SAMD11: variants seen among roughly 807,000 people sequenced by gnomAD.
SAMD11 encodes the protein sterile alpha motif domain containing 11.
SAMD11 carries 77 observed loss-of-function variants against 64.4 expected under a neutral mutation model. That is an observed-to-expected ratio of 1.20 (90% CI 0.99 to 1.44). The LOEUF (loss-of-function observed/expected upper bound fraction) is 1.44, where lower values mean the gene tolerates loss of function less well. SAMD11 is among the 40% of genes most tolerant of loss of function. SAMD11 has a pLI of 0.00. For missense variants in SAMD11, 1,402 were observed against 943.3 expected, an observed-to-expected ratio of 1.49 and a Z score of -6.37; for synonymous variants, 658 against 421.9, an observed-to-expected ratio of 1.56 and a Z score of -6.86.
At position 944,066 on chromosome 1, in the gene SAMD11, C is replaced by G. The variant is rs764469832; in HGVS notation, c.2448C>G (p.Ala816=). Residue 816 remains alanine, a synonymous_variant, in exon 14 of 14, where the codon GCC becomes GCG. Coordinates refer to ENST00000616016, the MANE Select transcript of SAMD11 (RefSeq NM_001385641.1). ...CGTCCCCCTATGGAGGGGGCCACGC[C>G]CTTGCCGGTCAAACTTCACCCAAGC... is the stretch of plus-strand genomic sequence containing the variant. The part of the protein sequence containing the change: ...TATSPYGGGH[A]LAGQTSPKQE... 6.8e-6 allele frequency: 11 copies of G among 1,612,578 alleles called. No homozygotes were observed. The highest frequency in any genetic ancestry group is 9.3e-6 in the Non-Finnish European group (11 of 1,179,968).
Position 941,163 on chromosome 1 carries a change from G to C in SAMD11, c.1215G>C (p.Gln405His). The C allele has an allele frequency of 1.2e-6, 2 of 1,601,178 alleles. No homozygotes were observed. The highest frequency in any genetic ancestry group is 2.2e-5 in the South Asian group (2 of 89,088). ...ACCCAGATCTCCTGAGGGTCCGGCA[G>C]GAGGTGGCGGCTGCAGCTCTGAGGG... ...LPSHDLLRVRQEVAAAALRGP... is the reference protein window; with the variant it reads ...LPSHDLLRVRHEVAAAALRGP... The change falls in exon 8 of 14, where the codon CAG becomes CAC. Residue 405 changes from glutamine (Q) to histidine (H), a missense_variant. Transcript: ENST00000616016.
chr1:927,005 A>AGG (rs1491477359), intron 2 of SAMD11, among the ~76,000 whole-genome samples: 2 of 148,294 alleles, frequency 1.3e-5, no homozygotes, highest in Non-Finnish European at 3.0e-5. Flanking sequence ...TGCCGTAGCC[A>AGG]GGGAGCTGGG....
Position 944,515 on chromosome 1 carries a change from G to T in SAMD11, c.*362G>T, listed in dbSNP as rs1038374232. ...GGGCTTCAGCAGCCACACCAGCCCA[G>T]CCCAGCCCAGCTCTCGATACGTTTG... On this transcript the variant is annotated 3_prime_UTR_variant, in exon 14 of 14. Coordinates refer to ENST00000616016, the MANE Select transcript of SAMD11 (RefSeq NM_001385641.1). 1 of 626,888 alleles carries T rather than the reference G, an allele frequency of 1.6e-6. No homozygotes were observed. Among genetic ancestry groups the T allele is most frequent in the Non-Finnish European group, 2.7e-6 (1 of 372,714 alleles). The allele number at this position is 626,888 out of a possible 1,614,324, so 38.8% of individuals were successfully genotyped here.
At position 942,133 on chromosome 1, in the gene SAMD11, C is replaced by T. The variant is rs967844945; in HGVS notation, c.1359-3C>T. The stretch of plus-strand genomic sequence containing the variant: ...ACGCCGCTCATTGCGCTGCCGTCCA[C>T]AGGGAGCTGCCTCAGCCGCCCCCCT... On this transcript the variant is annotated splice_region_variant and splice_polypyrimidine_tract_variant and intron_variant, in intron 8 of 13. Transcript: ENST00000616016. The T allele has an allele frequency of 7.7e-7, 1 of 1,296,656 alleles. No homozygotes were observed. The allele number at this position is 1,296,656 out of a possible 1,614,324, so 80.3% of individuals were successfully genotyped here. A position where few individuals can be genotyped will look rare whatever the true frequency, so the allele number is the denominator to read the frequency against.
chr1:944,101 G>T lies in SAMD11; in HGVS notation c.2483G>T (p.Gly828Val), dbSNP rs113383096. The change falls in exon 14 of 14, where the codon GGG becomes GTG. Residue 828 changes from glycine (G) to valine (V), a missense_variant. Coordinates refer to ENST00000616016, the MANE Select transcript of SAMD11 (RefSeq NM_001385641.1). ...CAAACTTCACCCAAGCAGGAGAATGGGACCTTGGCTCTACTTCCAGGGGCC... is the reference window on the plus strand; with the variant it reads ...CAAACTTCACCCAAGCAGGAGAATGTGACCTTGGCTCTACTTCCAGGGGCC... ...AGQTSPKQEN[G>V]TLALLPGAPD... 9.9e-6 allele frequency: 16 copies of T among 1,609,284 alleles called. No homozygotes were observed. Among genetic ancestry groups the T allele is most frequent in the Middle Eastern group, 1.7e-4 (1 of 6,048 alleles).
In SAMD11 at chr1:929,518, A is replaced by G. The variant is rs59168317; in HGVS notation, c.610-637A>G. ...CTGAGCCGGGCTGTGCGTGGCGCTG[A>G]TGAAATAGAAAAGGGCATTCGCTTG... On this transcript the variant is annotated intron_variant, in intron 2 of 13. Coordinates refer to ENST00000616016, the MANE Select transcript of SAMD11 (RefSeq NM_001385641.1). Among the ~76,000 whole-genome samples, 35 of 152,336 alleles carry G rather than the reference A, an allele frequency of 2.3e-4. No individual in the cohort carries two copies. In the East Asian group the frequency reaches 6.7e-3, roughly 29 times the overall value.
chr1:939,444 T>C, intron 7 of SAMD11, 32 bp downstream of exon 7: 1 of 1,433,142 alleles, frequency 7.0e-7, no homozygotes, highest in Admixed American at 1.8e-5. Context: ...ATCCCCCTCA[T>C]CACCTCCCCA....
chr1:925,889 C>A (rs552703801), intron 1 of SAMD11, 33 bp from the exon 2 acceptor site: 2 of 1,508,146 alleles, frequency 1.3e-6, no homozygotes, highest in African/African-American at 1.4e-5. Context: ...GCGTGCCGCT[C>A]CCTCACAGGG....
intron 3 of SAMD11, among the ~76,000 whole-genome samples, chr1:930,805 G>A (rs545001116): frequency 8.5e-5 from 13 of 152,358 alleles, no homozygotes; most frequent in Middle Eastern, 3.4e-3. Flanking sequence ...TTCCTGATGC[G>A]TGTCTGCTGA....
chr1:933,984 GA>G (rs1641290143), intron 4 of SAMD11, among the ~76,000 whole-genome samples: 1 of 149,994 alleles, frequency 6.7e-6, no homozygotes, highest in African/African-American at 2.5e-5. Context: ...GTGGGCAGGG[GA>G]GGCGGCTGCG....
intron 2 of SAMD11, 145 bp downstream of exon 2, chr1:926,158 G>T: frequency 2.6e-6 from 2 of 778,796 alleles, no homozygotes; most frequent in South Asian, 3.2e-5. Context: ...AGGGGGAAGC[G>T]GCTTTACCTC....
intron 5 of SAMD11, among the ~76,000 whole-genome samples, chr1:936,430 G>A (rs1212582581): frequency 3.2e-5 from 4 of 125,790 alleles, no homozygotes; most frequent in Admixed American, 7.2e-5. Flanking sequence ...GGGGGTCCCC[G>A]GTCGGTCCCG....
rs747479468 is a variant in SAMD11, at chr1:942,674, C to T, written c.1669C>T (p.Arg557Cys). The change falls in exon 11 of 14, where the codon CGC (arginine) becomes TGC (cysteine). Residue 557 changes from arginine (R) to cysteine (C), a missense_variant. Physicochemically the swap from Arg to Cys is radical, Grantham distance 180. Coordinates refer to ENST00000616016, the MANE Select transcript of SAMD11 (RefSeq NM_001385641.1). ...CGACGGCGCCGAGGAGCTGCAGCGG[C>T]GCGGGGCCCTGCTGGTGCTGAACCA... is the stretch of plus-strand genomic sequence containing the variant. Reference protein sequence around the residue: ...PNDGAEELQRRGALLVLNHGA... With the variant: ...PNDGAEELQRCGALLVLNHGA... The T allele has an allele frequency of 2.1e-6, 3 of 1,434,096 alleles. No homozygotes were observed. The highest frequency in any genetic ancestry group is 2.7e-6 in the Non-Finnish European group (3 of 1,102,518). 88.8% of individuals were successfully genotyped at this position (1,434,096 alleles called of 1,614,324 possible). A position where few individuals can be genotyped will look rare whatever the true frequency, so the allele number is the denominator to read the frequency against.
Position 926,713 on chromosome 1 carries a change from T to G in SAMD11, c.609+700T>G, listed in dbSNP as rs13303291. On this transcript the variant is annotated intron_variant, in intron 2 of 13. Transcript: ENST00000616016. The stretch of plus-strand genomic sequence containing the variant: ...TGCTCAGGGAGGCACCTGCACCCCC[T>G]ACCCAGTCTCCAGCCCCCTAGTTGG... Among the ~76,000 whole-genome samples the G allele has an allele frequency of 1.6e-3, 239 of 152,156 alleles. 1 individual carries two copies. The highest frequency in any genetic ancestry group is 5.5e-3 in the African/African-American group (230 of 41,472).
At chr1:927,829 G>A (rs1640966828) in intron 2 of SAMD11, among the ~76,000 whole-genome samples, 2 of 151,762 alleles carry the variant, frequency 1.3e-5, no homozygotes, top group South Asian at 4.1e-4. Flanking sequence ...TGGGCAGGGT[G>A]GGTGGCAGGG....
In SAMD11 at chr1:942,272, C is replaced by T. The variant is rs746443617; in HGVS notation, c.1474+21C>T. 54 of 1,055,974 alleles carry T rather than the reference C, an allele frequency of 5.1e-5. No homozygotes were observed. The African/African-American group carries it at 8.7e-4, about 17-fold the overall frequency. 65.4% of individuals were successfully genotyped at this position (1,055,974 alleles called of 1,614,324 possible). A position where few individuals can be genotyped will look rare whatever the true frequency, so the allele number is the denominator to read the frequency against. On this transcript the variant is annotated intron_variant, in intron 9 of 13. Coordinates refer to ENST00000616016, the MANE Select transcript of SAMD11 (RefSeq NM_001385641.1). ...CCCAGGTGAGGAGGCGGGTGCGCAT[C>T]CCCTGGGAGCCCGCGTGGAGGCTCG...
chr1:938,931 C>G, intron 5 of SAMD11, 109 bp from the exon 6 acceptor site: 1 of 983,948 alleles, frequency 1.0e-6, no homozygotes, highest in Non-Finnish European at 1.6e-6. Flanking sequence ...TCACCAGGAC[C>G]AAGGGCCCCC....
In SAMD11 at chr1:943,742, G is replaced by A; in HGVS notation, c.2223G>A (p.Leu741=). Residue 741 remains leucine, a synonymous_variant, in exon 13 of 14, where the codon CTG becomes CTA. Coordinates refer to ENST00000616016, the MANE Select transcript of SAMD11 (RefSeq NM_001385641.1). ...TCGACGGGGAGACCCTGCCACTGCT[G>A]ACGGAGGAGCACCTGCTGACCAACA... is the stretch of plus-strand genomic sequence containing the variant. ...QGIDGETLPL[L]TEEHLLTNMG... 1 of 1,608,522 alleles carries A rather than the reference G, an allele frequency of 6.2e-7. No individual in the cohort carries two copies. Among genetic ancestry groups the A allele is most frequent in the Non-Finnish European group, 8.5e-7 (1 of 1,177,450 alleles).
rs368190602 is a variant in SAMD11, at chr1:937,671, T to C, written c.968-1369T>C. ...GGCTTCTCAGGGGCCTGAGCAGTGG[T>C]GCCTGGATCCGTGTGTGGCCAGGTG... On this transcript the variant is annotated intron_variant, in intron 5 of 13. Transcript: ENST00000616016. Among the ~76,000 whole-genome samples the C allele has an allele frequency of 5.0e-3, 760 of 152,044 alleles. 7 individuals carry two copies. Among genetic ancestry groups the C allele is most frequent in the African/African-American group, 0.017 (717 of 41,482 alleles).
Sources: gnomAD v4.1 joint callset for allele counts (sites outside exome capture counted in the v4.1 genomes callset) on GRCh38, gnomAD v4.1.1 for gene constraint, MANE v1.5 for transcripts, NCBI Gene and HGNC (gene_info 2026-07-23, HGNC 2026-07-21) for gene names.